ATP5MC2: variants seen among roughly 807,000 people sequenced by gnomAD.
The protein encoded by ATP5MC2 is ATP synthase F(0) complex subunit C2, mitochondrial.
Under a neutral mutation model 13.5 loss-of-function variants are expected in ATP5MC2, and 11 were observed. The observed-to-expected ratio is 0.81, with a 90% CI of 0.51 to 1.35. The LOEUF (loss-of-function observed/expected upper bound fraction) is 1.35. Among genes scored for constraint, ATP5MC2 ranks in the 40% most tolerant of loss-of-function variants. ATP5MC2 has a pLI of 0.00. For missense variants in ATP5MC2, 132 were observed against 175.0 expected (o/e 0.75, Z 1.39); for synonymous variants, 64 against 69.7 (o/e 0.92, Z 0.41).
chr12:53,672,095 A>AAAAAAAAAAAAAAAAAAAAAC, intron 2 of ATP5MC2, among the ~76,000 whole-genome samples: 1 of 150,644 alleles, frequency 6.6e-6, no homozygotes, highest in Non-Finnish European at 1.5e-5. Context: ...AAAAAAAAAA[A>AAAAAAAAAAAAAAAAAAAAAC]AAAAAAAAAA....
At chr12:53,667,956 C>CACATATATATATAT (rs1390194186) in intron 4 of ATP5MC2, among the ~76,000 whole-genome samples, 18 of 67,332 alleles carry the variant, frequency 2.7e-4, no homozygotes, top group South Asian at 5.5e-4. Flanking sequence ...CATACACACA[C>CACATATATATATAT]ATATATATAT....
Position 53,676,048 on chromosome 12 carries a change from C to A in ATP5MC2, c.-32+5G>T. The A allele has an allele frequency of 6.2e-7, 1 of 1,613,534 alleles. No individual in the cohort carries two copies. The highest frequency in any genetic ancestry group is 8.5e-7 in the Non-Finnish European group (1 of 1,179,852). ...CACAGAGGGCTCTAGGTCCCAAGGCCTTACCTGCTCCCACTGCAGAGAAGA... is the reference window on the plus strand; with the variant it reads ...CACAGAGGGCTCTAGGTCCCAAGGCATTACCTGCTCCCACTGCAGAGAAGA... On this transcript the variant is annotated splice_donor_5th_base_variant and intron_variant, in intron 1 of 4. Coordinates refer to ENST00000394349, the MANE Select transcript of ATP5MC2 (RefSeq NM_005176.7).
At chr12:53,676,309 G>C, upstream of ATP5MC2, 2 of 1,474,276 alleles carry the variant, frequency 1.4e-6, no homozygotes, top group Non-Finnish European at 9.1e-7. Flanking sequence ...CGCGGAGTAA[G>C]CCGATCCGTA....
At chr12:53,666,044 A>T (rs1036065237) in intron 4 of ATP5MC2, among the ~76,000 whole-genome samples, 6 of 152,226 alleles carry the variant, frequency 3.9e-5, no homozygotes, top group Non-Finnish European at 7.3e-5. Context: ...GCGGTGGCTC[A>T]CACCTGTAAT....
intron 1 of ATP5MC2, chr12:53,673,813 C>T: frequency 6.2e-6 from 1 of 160,522 alleles, no homozygotes; most frequent in South Asian, 9.3e-5. Flanking sequence ...AAGAGGGAAA[C>T]TGTCTCAAAA....
Position 53,669,153 on chromosome 12 carries a change from A to AT in ATP5MC2, c.305dup (p.Tyr102Ter). Residue 102 changes from tyrosine (Y) to a stop codon, truncating the protein, a stop_gained and frameshift_variant, in exon 4 of 5, where the codon TAT becomes TAAT. Transcript: ENST00000394349. LOFTEE classifies it high-confidence loss of function. ...GTVFGSLIIG[Y>*]ARNPSLKQQL... ...GAGGGTCCAACTTATCTTACCTGGC[A>AT]TAACCAATGATGAGGCTCCCAAACA... is the stretch of plus-strand genomic sequence containing the variant. The AT allele has an allele frequency of 6.2e-7, 1 of 1,608,436 alleles. No homozygotes were observed. The highest frequency in any genetic ancestry group is 8.5e-7 in the Non-Finnish European group (1 of 1,177,332).
At chr12:53,675,545 T>C (rs1377255042) in intron 1 of ATP5MC2, among the ~76,000 whole-genome samples, 1 of 152,096 alleles carries the variant, frequency 6.6e-6, no homozygotes, top group Admixed American at 6.6e-5. Flanking sequence ...ATGTTCAAGG[T>C]TTACTTTTTA....
intron 2 of ATP5MC2, among the ~76,000 whole-genome samples, chr12:53,671,293 T>C (rs1208674843): frequency 2.0e-5 from 3 of 152,240 alleles, no homozygotes; most frequent in Non-Finnish European, 4.4e-5. Context: ...ATTTATGAAA[T>C]CAAAATATCA....
rs1349902723 is a variant in ATP5MC2, at chr12:53,669,229, G to C, written c.230C>G (p.Ala77Gly). Reference sequence around the variant, plus strand: ...AGCCACCCCAACTGTGGCAGCCCCAGCTCCAATGAACTTGGCTGCTGTGTC... The same window carrying C: ...AGCCACCCCAACTGTGGCAGCCCCACCTCCAATGAACTTGGCTGCTGTGTC... The part of the protein sequence containing the change: ...DIDTAAKFIG[A>G]GAATVGVAGS... The change falls in exon 4 of 5, where the codon GCT (alanine) becomes GGT (glycine). Residue 77 changes from alanine (A) to glycine (G), a missense_variant. Physicochemically the swap from Ala to Gly is moderately conservative, Grantham distance 60. Transcript: ENST00000394349. The C allele has an allele frequency of 6.2e-7, 1 of 1,614,008 alleles. No individual in the cohort carries two copies. Among genetic ancestry groups the C allele is most frequent in the Admixed American group, 1.7e-5 (1 of 59,998 alleles).
chr12:53,674,967 G>T (rs1457723718), intron 1 of ATP5MC2, among the ~76,000 whole-genome samples: 1 of 152,082 alleles, frequency 6.6e-6, no homozygotes, highest in African/African-American at 2.4e-5. Context: ...GCTCTTAGGG[G>T]GATTAAGTAT....
chr12:53,674,660 G>A (rs938295179), intron 1 of ATP5MC2, among the ~76,000 whole-genome samples: 1 of 152,152 alleles, frequency 6.6e-6, no homozygotes, highest in Non-Finnish European at 1.5e-5. Flanking sequence ...TTTTTGCCCA[G>A]GCTATTGTGG....
chr12:53,670,744 TC>T (rs1265852024), intron 2 of ATP5MC2, among the ~76,000 whole-genome samples: 1 of 151,798 alleles, frequency 6.6e-6, no homozygotes, highest in Non-Finnish European at 1.5e-5. Context: ...TGCCTCAGCC[TC>T]CCAAGTAGCT....
chr12:53,675,682 T>C (rs1945241324), intron 1 of ATP5MC2, among the ~76,000 whole-genome samples: 1 of 151,986 alleles, frequency 6.6e-6, no homozygotes, highest in African/African-American at 2.4e-5. Flanking sequence ...CAAGTCAGGA[T>C]GAGAAGAGAA....
upstream of ATP5MC2, chr12:53,676,091 G>A (rs1593060670): frequency 2.5e-6 from 4 of 1,614,158 alleles, no homozygotes; most frequent in South Asian, 4.4e-5. Context: ...GGGCGGAGCA[G>A]CGGGAAGAGC....
At chr12:53,670,239 CAAG>C (rs778725444) in intron 2 of ATP5MC2, 7 of 406,566 alleles carry the variant, frequency 1.7e-5, no homozygotes, top group Non-Finnish European at 2.3e-5. Flanking sequence ...CTCTTGAGAA[CAAG>C]AAGAAATCTA....
intron 2 of ATP5MC2, among the ~76,000 whole-genome samples, chr12:53,672,174 A>G (rs1945118945): frequency 1.3e-5 from 2 of 151,506 alleles, no homozygotes; most frequent in South Asian, 2.1e-4. Context: ...CTGTTACGCA[A>G]TCATAGCAGA....
intron 2 of ATP5MC2, among the ~76,000 whole-genome samples, 183 bp downstream of exon 2, chr12:53,672,393 C>T (rs1234162016): frequency 6.6e-6 from 1 of 151,922 alleles, no homozygotes; most frequent in South Asian, 2.1e-4. Flanking sequence ...AACTGGTTTT[C>T]GTTTTTTTAG....
At chr12:53,675,730 A>G (rs1040871455) in intron 1 of ATP5MC2, among the ~76,000 whole-genome samples, 2 of 152,210 alleles carry the variant, frequency 1.3e-5, no homozygotes, top group Non-Finnish European at 2.9e-5. Flanking sequence ...GGTTGTCACA[A>G]TCTGAAAGGG....
rs775959521 is a variant in ATP5MC2, at chr12:53,665,280, C to T, written c.*34G>A. The T allele has an allele frequency of 5.8e-6, 9 of 1,563,312 alleles. No homozygotes were observed. Among genetic ancestry groups the T allele is most frequent in the East Asian group, 4.5e-5 (2 of 44,628 alleles). The stretch of plus-strand genomic sequence containing the variant: ...AAAGGAACACACGGGGCCAACCAGA[C>T]GCGGGAGAACTATGGGAGGTGGAGA... On this transcript the variant is annotated 3_prime_UTR_variant, in exon 5 of 5. Transcript: ENST00000394349.
Sources: gnomAD v4.1 joint callset for allele counts (sites outside exome capture counted in the v4.1 genomes callset) on GRCh38, gnomAD v4.1.1 for gene constraint, MANE v1.5 for transcripts, NCBI Gene and HGNC (gene_info 2026-07-23, HGNC 2026-07-21) for gene names.